The following TMTC4 variants were observed in gnomAD, a reference collection of about 807,000 sequenced individuals.
The protein encoded by TMTC4 is protein O-mannosyl-transferase TMTC4.
In TMTC4, 65 loss-of-function variants were observed where a neutral mutation model predicts 86.0. The observed-to-expected ratio is 0.76, with a 90% CI of 0.62 to 0.93. The LOEUF (loss-of-function observed/expected upper bound fraction) is 0.93. Ranked by LOEUF, TMTC4 falls within the 40% of genes least tolerant of loss-of-function variation. TMTC4 has a pLI of 0.00. For synonymous variants in TMTC4, 379 were observed against 382.5 expected, an observed-to-expected ratio of 0.99 and a Z score of 0.11; for missense variants, 866 against 948.1, an observed-to-expected ratio of 0.91 and a Z score of 1.14.
At chr13:100,673,877 T>C (rs1258241448) in intron 1 of TMTC4, among the ~76,000 whole-genome samples, 1 of 152,158 alleles carries the variant, frequency 6.6e-6, no homozygotes, top group Non-Finnish European at 1.5e-5. Flanking sequence ...GGAGGGGACC[T>C]AGTCAGTCCC....
intron 1 of TMTC4, among the ~76,000 whole-genome samples, chr13:100,673,039 G>A (rs569648361): frequency 9.1e-4 from 138 of 152,268 alleles, no homozygotes; most frequent in Non-Finnish European, 1.6e-3. Context: ...TGTTCTGCTC[G>A]CTACCTGACT....
Position 100,663,030 on chromosome 13 carries a change from G to GTGCA in TMTC4, c.482_485dup (p.Leu163AlafsTer48), listed in dbSNP as rs1885973012. ...CCAGCAGGGACGCCCTGGGGGCGAG[G>GTGCA]TGCAGCCTCCGGCCTTTACTGGTGT... On this transcript the variant is annotated frameshift_variant, in exon 5 of 19. Transcript: ENST00000342624. LOFTEE classifies it high-confidence loss of function. 6.2e-7 allele frequency: 1 copy of GTGCA among 1,614,092 alleles called. No individual in the cohort carries two copies. Among genetic ancestry groups the GTGCA allele is most frequent in the African/African-American group, 1.3e-5 (1 of 74,948 alleles).
At chr13:100,617,206 C>T (rs1194197259) in intron 15 of TMTC4, among the ~76,000 whole-genome samples, 1 of 152,090 alleles carries the variant, frequency 6.6e-6, no homozygotes, top group African/African-American at 2.4e-5. Context: ...TGACCAGTGG[C>T]TCACTACAGC....
intron 1 of TMTC4, chr13:100,673,395 T>C: frequency 1.0e-6 from 1 of 981,122 alleles, no homozygotes; most frequent in Non-Finnish European, 1.2e-6. Flanking sequence ...CCTGCTGACC[T>C]CTGCCCAGCC....
chr13:100,604,951 C>T lies in TMTC4; in HGVS notation c.*43G>A, dbSNP rs778943601. 5.0e-6 allele frequency: 8 copies of T among 1,598,316 alleles called. No individual in the cohort carries two copies. The African/African-American group carries it at 1.1e-4, about 21-fold the overall frequency. On this transcript the variant is annotated 3_prime_UTR_variant, in exon 19 of 19. Coordinates refer to ENST00000342624, the MANE Select transcript of TMTC4 (RefSeq NM_032813.5). ...ACCACATACTATTAATGATATGCCT[C>T]ATGCACACACACACTCAAACTCAAA...
At chr13:100,633,741 C>T (rs1335411397) in intron 12 of TMTC4, among the ~76,000 whole-genome samples, 9 of 152,194 alleles carry the variant, frequency 5.9e-5, no homozygotes, top group African/African-American at 1.9e-4. Context: ...TGGTCTAGCC[C>T]GCTGCTCCTA....
intron 6 of TMTC4, among the ~76,000 whole-genome samples, chr13:100,643,972 G>A (rs1446042114): frequency 6.6e-6 from 1 of 152,142 alleles, no homozygotes; most frequent in African/African-American, 2.4e-5. Flanking sequence ...GTGTCCTGCA[G>A]ACCCTGCAAG....
At chr13:100,614,878 G>C in intron 15 of TMTC4, 1 of 979,258 alleles carries the variant, frequency 1.0e-6, no homozygotes, top group Non-Finnish European at 1.2e-6. Context: ...GTATTACTTA[G>C]AATAGTGAAC....
intron 15 of TMTC4, chr13:100,624,355 A>AAAAAT (rs1555341040): frequency 2.7e-4 from 2 of 7,520 alleles, no homozygotes; most frequent in East Asian, 0.024. Context: ...AAAAAAAAAT[A>AAAAAT]AAAAAAAAAT....
At chr13:100,637,835 T>C in intron 8 of TMTC4, 95 bp downstream of exon 8, 6 of 1,534,204 alleles carry the variant, frequency 3.9e-6, no homozygotes, top group Non-Finnish European at 5.3e-6. Flanking sequence ...TATTGTAGAA[T>C]TCAAAATCAC....
At chr13:100,670,714 C>T (rs957725174) in intron 1 of TMTC4, 145 bp from the exon 2 acceptor site, 7 of 228,188 alleles carry the variant, frequency 3.1e-5, no homozygotes, top group Non-Finnish European at 5.1e-5. Flanking sequence ...TTTGGGAGGC[C>T]GAGGCCGGTG....
At chr13:100,674,343 G>C (rs1485602512) in intron 1 of TMTC4, 4 of 978,424 alleles carry the variant, frequency 4.1e-6, no homozygotes, top group South Asian at 4.7e-5. Context: ...GGCCAGGCGC[G>C]GGGCCCCGCG....
intron 6 of TMTC4, among the ~76,000 whole-genome samples, chr13:100,651,495 C>G (rs1210750970): frequency 2.5e-5 from 1 of 39,750 alleles, no homozygotes; most frequent in Non-Finnish European, 4.7e-5. Flanking sequence ...TATTTATGCA[C>G]CAAAAAAAAA....
intron 6 of TMTC4, among the ~76,000 whole-genome samples, chr13:100,653,678 G>T (rs1308098883): frequency 1.3e-5 from 2 of 152,200 alleles, no homozygotes; most frequent in Admixed American, 1.3e-4. Context: ...ATCTGGAAGC[G>T]ATGAGTGGGA....
chr13:100,653,471 G>A (rs1884700293), intron 6 of TMTC4, among the ~76,000 whole-genome samples: 1 of 152,170 alleles, frequency 6.6e-6, no homozygotes, highest in African/African-American at 2.4e-5. Flanking sequence ...CTGAGGTCCT[G>A]AAGTGACAGA....
rs1434150620 is a variant in TMTC4, at chr13:100,612,576, ATAAC to A, written c.1952-70_1952-67del. The A allele has an allele frequency of 2.2e-5, 27 of 1,201,390 alleles. 1 individual carries two copies. Among genetic ancestry groups the A allele is most frequent in the South Asian group, 5.1e-5 (4 of 78,480 alleles). 74.4% of individuals were successfully genotyped at this position (1,201,390 alleles called of 1,614,324 possible). On this transcript the variant is annotated intron_variant, in intron 16 of 18. Coordinates refer to ENST00000342624, the MANE Select transcript of TMTC4 (RefSeq NM_032813.5). ...TGTACTCGCATTTTAGCTTCTCTCT[ATAAC>A]TAACAGGGTTTATGTGCACAGCACA...
intron 4 of TMTC4, among the ~76,000 whole-genome samples, 174 bp downstream of exon 4, chr13:100,664,047 G>A (rs1000158674): frequency 6.6e-6 from 1 of 152,030 alleles, no homozygotes; most frequent in African/African-American, 2.4e-5. Context: ...TCCTTCACAG[G>A]GGCCACGCTG....
At chr13:100,643,441 G>A (rs886210722) in intron 6 of TMTC4, among the ~76,000 whole-genome samples, 4 of 152,188 alleles carry the variant, frequency 2.6e-5, no homozygotes, top group East Asian at 1.9e-4. Context: ...CAACGTTACC[G>A]ACCTCAGGAT....
Position 100,634,904 on chromosome 13 carries a change from T to A in TMTC4, c.1407A>T (p.Leu469Phe). ...KLIAAVVLGI[L>F]FINTLRCVLR... is the part of the protein sequence containing the mutation. ...GCACACATCTCAGCGTGTTGATGAA[T>A]AAGATTCCCAGCACGACAGCGGCAA... is the stretch of plus-strand genomic sequence containing the variant. The change falls in exon 12 of 19, where the codon TTA becomes TTT. Residue 469 changes from leucine (L) to phenylalanine (F), a missense_variant. Physicochemically the swap from Leu to Phe is conservative, Grantham distance 22 (BLOSUM62 0). Transcript: ENST00000342624. 6.2e-7 allele frequency: 1 copy of A among 1,614,092 alleles called. No homozygotes were observed. Among genetic ancestry groups the A allele is most frequent in the African/African-American group, 1.3e-5 (1 of 75,026 alleles).
Sources: allele counts gnomAD v4.1 joint callset (sites outside exome capture counted in the v4.1 genomes callset), GRCh38; gene constraint gnomAD v4.1.1; transcripts MANE v1.5; gene names NCBI Gene and HGNC (gene_info 2026-07-23, HGNC 2026-07-21).